The following FBXL13 variants were observed in gnomAD, a reference collection of about 807,000 sequenced individuals.
The protein encoded by FBXL13 is F-box and leucine rich repeat protein 13, also known as F-box and leucine-rich repeat protein 13.
A neutral mutation model predicts 83.6 loss-of-function variants in FBXL13; 67 were observed. That is an observed-to-expected ratio of 0.80 (90% CI 0.66 to 0.98). The LOEUF (loss-of-function observed/expected upper bound fraction) is 0.98, where lower values mean the gene tolerates loss of function less well. Ranked by LOEUF, FBXL13 falls within the 50% of genes least tolerant of loss-of-function variation. FBXL13 has a pLI of 0.00. For missense variants in FBXL13, 822 were observed against 866.5 expected, an observed-to-expected ratio of 0.95 and a Z score of 0.64; for synonymous variants, 272 against 299.5, an observed-to-expected ratio of 0.91 and a Z score of 0.95.
At chr7:102,990,150 GA>G (rs1183274985) in intron 6 of FBXL13, among the ~76,000 whole-genome samples, 10 of 152,240 alleles carry the variant, frequency 6.6e-5, no homozygotes, top group Non-Finnish European at 1.5e-4. Flanking sequence ...AGTGGTGGGT[GA>G]AAGCCTAGCT....
chr7:103,069,299 C>T (rs1477007244), intron 1 of FBXL13, among the ~76,000 whole-genome samples: 27 of 152,210 alleles, frequency 1.8e-4, no homozygotes, highest in Admixed American at 1.5e-3. Flanking sequence ...AAGTGAGGAG[C>T]GCCTTTGCCC....
chr7:103,017,314 A>T (rs903539392), intron 6 of FBXL13, among the ~76,000 whole-genome samples: 4 of 151,180 alleles, frequency 2.6e-5, no homozygotes, highest in African/African-American at 9.8e-5. Context: ...CCATACAAAA[A>T]CCCCATCTGT....
At chr7:102,829,657 T>G (rs1019711631) in intron 18 of FBXL13, among the ~76,000 whole-genome samples, 6 of 152,166 alleles carry the variant, frequency 3.9e-5, no homozygotes, top group African/African-American at 1.4e-4. Context: ...TTGTTTTCCT[T>G]GGCATTTTAG....
At chr7:102,844,341 A>T (rs1410146947) in intron 17 of FBXL13, among the ~76,000 whole-genome samples, 1 of 152,216 alleles carries the variant, frequency 6.6e-6, no homozygotes, top group Non-Finnish European at 1.5e-5. Flanking sequence ...AGAGAAAAGA[A>T]ATAAAACTGC....
intron 17 of FBXL13, among the ~76,000 whole-genome samples, chr7:102,851,424 C>A (rs1030358118): frequency 3.4e-5 from 3 of 87,454 alleles, no homozygotes; most frequent in African/African-American, 2.2e-4. Flanking sequence ...ATAGGTTTTT[C>A]TTTCTCTCTT....
intron 8 of FBXL13, chr7:102,934,710 T>C (rs1819955159): frequency 6.5e-7 from 1 of 1,541,226 alleles, no homozygotes; most frequent in African/African-American, 1.4e-5. Context: ...TACTTTTTCA[T>C]TTTCATGAAT....
chr7:102,939,757 A>C (rs1303658395), intron 8 of FBXL13, among the ~76,000 whole-genome samples: 1 of 152,234 alleles, frequency 6.6e-6, no homozygotes, highest in Non-Finnish European at 1.5e-5. Flanking sequence ...ACTCAGATAA[A>C]TACTTGCCAA....
intron 10 of FBXL13, among the ~76,000 whole-genome samples, chr7:102,922,425 GGTTTACTGATAA>G (rs908473248): frequency 6.6e-6 from 1 of 151,772 alleles, no homozygotes; most frequent in African/African-American, 2.4e-5. Context: ...TTTAATTATT[GGTTTACTGATAA>G]GTATCTAATG....
At chr7:103,039,556 A>T (rs557381015) in intron 2 of FBXL13, among the ~76,000 whole-genome samples, 1 of 152,186 alleles carries the variant, frequency 6.6e-6, no homozygotes, top group Non-Finnish European at 1.5e-5. Context: ...GAGGGAAAAA[A>T]TGTTAAGGGC....
Position 102,836,860 on chromosome 7 carries a change from C to G in FBXL13, c.1720-3886G>C, listed in dbSNP as rs1396202650. Among the ~76,000 whole-genome samples, 7 of 152,324 alleles carry G rather than the reference C, an allele frequency of 4.6e-5. No homozygotes were observed. In the East Asian group the frequency reaches 1.2e-3, roughly 25 times the overall value. On this transcript the variant is annotated intron_variant, in intron 17 of 19. Transcript: ENST00000313221. ...ACTTTGACAGGTGGCAGCTTCTAGC[C>G]TTAGAAAAGCTCACTTCGTGTTGCA...
At chr7:102,908,656 G>A (rs1814149563) in intron 11 of FBXL13, among the ~76,000 whole-genome samples, 1 of 152,218 alleles carries the variant, frequency 6.6e-6, no homozygotes, top group African/African-American at 2.4e-5. Flanking sequence ...TCGCACACTT[G>A]TCAAGGTACC....
At chr7:103,048,381 T>C (rs776777682) in intron 2 of FBXL13, among the ~76,000 whole-genome samples, 22 of 137,990 alleles carry the variant, frequency 1.6e-4, no homozygotes, top group Non-Finnish European at 3.2e-4. Flanking sequence ...AAACAATCTG[T>C]CTTTTGTCTT....
chr7:102,903,820 A>T (rs769573661), intron 11 of FBXL13, among the ~76,000 whole-genome samples: 25 of 151,824 alleles, frequency 1.6e-4, no homozygotes, highest in Non-Finnish European at 2.6e-4. Context: ...GATAAATCCC[A>T]CTTGGTCATG....
intron 6 of FBXL13, among the ~76,000 whole-genome samples, chr7:103,009,015 G>A (rs1791292988): frequency 6.6e-6 from 1 of 151,976 alleles, no homozygotes; most frequent in African/African-American, 2.4e-5. Context: ...ATTATTTGAA[G>A]ACAGTCCATG....
At chr7:102,851,552 C>A (rs1352817378) in intron 17 of FBXL13, among the ~76,000 whole-genome samples, 2 of 125,314 alleles carry the variant, frequency 1.6e-5, no homozygotes, top group South Asian at 3.3e-4. Flanking sequence ...TTTCCTTCTT[C>A]TTCTCTCTCT....
At chr7:102,814,728 C>G (rs1797757810) in intron 19 of FBXL13, among the ~76,000 whole-genome samples, 1 of 152,124 alleles carries the variant, frequency 6.6e-6, no homozygotes, top group Non-Finnish European at 1.5e-5. Context: ...ACTTGGCAAA[C>G]AAGTTTATTC....
At chr7:103,044,397 A>G (rs567908820) in intron 2 of FBXL13, among the ~76,000 whole-genome samples, 222 of 152,362 alleles carry the variant, frequency 1.5e-3, no homozygotes, top group African/African-American at 4.8e-3. Context: ...AAAATATAGA[A>G]TATGAATCTG....
At chr7:102,875,908 T>C (rs1809180394) in intron 16 of FBXL13, among the ~76,000 whole-genome samples, 1 of 152,088 alleles carries the variant, frequency 6.6e-6, no homozygotes, top group African/African-American at 2.4e-5. Context: ...CTGATGATGA[T>C]GATGCAAAGA....
chr7:102,975,907 G>A (rs1827362192), intron 6 of FBXL13: 1 of 758,722 alleles, frequency 1.3e-6, no homozygotes, highest in Non-Finnish European at 2.4e-6. Context: ...TGCAGGCCAT[G>A]GGGCCACAGC....
Sources: allele counts gnomAD v4.1 joint callset (sites outside exome capture counted in the v4.1 genomes callset), GRCh38; gene constraint gnomAD v4.1.1; transcripts MANE v1.5; gene names NCBI Gene and HGNC (gene_info 2026-07-23, HGNC 2026-07-21).